Variants in GGNBP2 observed in about 807,000 individuals in gnomAD.
GGNBP2 encodes the protein gametogenetin-binding protein 2.
A neutral mutation model predicts 85.9 loss-of-function variants in GGNBP2; 10 were observed. The ratio of observed to expected loss-of-function variants is 0.12; its 90% CI spans 0.07 to 0.20. The LOEUF (loss-of-function observed/expected upper bound fraction) is 0.20. GGNBP2 is among the 10% of genes least tolerant of loss of function. GGNBP2 has a pLI of 1.00. For missense variants in GGNBP2, 595 were observed against 857.8 expected, an observed-to-expected ratio of 0.69 and a Z score of 3.83; for synonymous variants, 287 against 285.7, an observed-to-expected ratio of 1.00 and a Z score of -0.05.
chr17:36,555,776 T>C (rs1199980256), intron 3 of GGNBP2, among the ~76,000 whole-genome samples: 1 of 152,232 alleles, frequency 6.6e-6, no homozygotes, highest in Non-Finnish European at 1.5e-5. Flanking sequence ...TTACTTATAG[T>C]ACCTAATACA....
chr17:36,576,589 A>ATG (rs1375645555), intron 6 of GGNBP2: 2 of 41,404 alleles, frequency 4.8e-5, no homozygotes, highest in African/African-American at 2.2e-4. Flanking sequence ...AAAAAAATAT[A>ATG]TATATATGTG....
intron 5 of GGNBP2, among the ~76,000 whole-genome samples, chr17:36,562,199 G>A (rs945109647): frequency 6.6e-6 from 1 of 151,658 alleles, no homozygotes; most frequent in Non-Finnish European, 1.5e-5. Flanking sequence ...ACACAGTCTT[G>A]CTCTGTCACT....
intron 2 of GGNBP2, 149 bp downstream of exon 2, chr17:36,545,966 G>T (rs1264416690): frequency 3.4e-6 from 2 of 593,814 alleles, no homozygotes; most frequent in African/African-American, 1.9e-5. Context: ...CCACAAACTC[G>T]CCTTTGCAGT....
chr17:36,560,730 A>C, intron 4 of GGNBP2, 43 bp from the exon 5 acceptor site: 2 of 1,121,322 alleles, frequency 1.8e-6, no homozygotes, highest in Non-Finnish European at 2.6e-6. Flanking sequence ...AAAATTTGAA[A>C]GTAAAATGAA....
chr17:36,548,703 G>A (rs1303508220), intron 2 of GGNBP2, among the ~76,000 whole-genome samples: 1 of 149,406 alleles, frequency 6.7e-6, no homozygotes, highest in Non-Finnish European at 1.5e-5. Flanking sequence ...TAGCACTTTG[G>A]GAGGCCGAGG....
At chr17:36,583,306 C>A (rs1420879110) in intron 9 of GGNBP2, among the ~76,000 whole-genome samples, 1 of 152,092 alleles carries the variant, frequency 6.6e-6, no homozygotes. Flanking sequence ...CCCGCCTCAG[C>A]CTCCCAAAGT....
chr17:36,555,531 A>G (rs895940377), intron 3 of GGNBP2, among the ~76,000 whole-genome samples: 1 of 152,188 alleles, frequency 6.6e-6, no homozygotes, highest in Non-Finnish European at 1.5e-5. Context: ...CTGTTTCTAC[A>G]GAAAATGCAA....
intron 6 of GGNBP2, chr17:36,574,612 G>A: frequency 1.8e-6 from 1 of 560,790 alleles, no homozygotes; most frequent in South Asian, 2.2e-5. Flanking sequence ...TCTTAGAGAT[G>A]GCATCAAAGG....
At chr17:36,581,769 G>A (rs1159495043) in intron 9 of GGNBP2, 3 of 288,008 alleles carry the variant, frequency 1.0e-5, no homozygotes, top group Non-Finnish European at 1.9e-5. Context: ...TCGTCCCTTG[G>A]TATCTGTGGG....
intron 5 of GGNBP2, among the ~76,000 whole-genome samples, chr17:36,561,540 G>C (rs1232202099): frequency 1.3e-5 from 2 of 152,072 alleles, no homozygotes; most frequent in Admixed American, 1.3e-4. Context: ...CTTGTCTCTA[G>C]CTGTAATTTA....
In GGNBP2 at chr17:36,545,723, C is replaced by T; in HGVS notation, c.-2C>T. 6.4e-7 allele frequency: 1 copy of T among 1,565,610 alleles called. No individual in the cohort carries two copies. Among genetic ancestry groups the T allele is most frequent in the South Asian group, 1.2e-5 (1 of 85,228 alleles). On this transcript the variant is annotated 5_prime_UTR_variant, in exon 2 of 14. It adds an upstream start codon to the 5' untranslated region. Coordinates refer to ENST00000613102, the MANE Select transcript of GGNBP2 (RefSeq NM_024835.5). Reference sequence around the variant, plus strand: ...ACGGTGGCAACGGCAGCGTCGGGGACGATGGCGCGACTCGTGGCAGTGTGC... The same window carrying T: ...ACGGTGGCAACGGCAGCGTCGGGGATGATGGCGCGACTCGTGGCAGTGTGC...
Position 36,581,541 on chromosome 17 carries a change from A to G in GGNBP2, c.1215+3A>G, listed in dbSNP as rs1412370587. 1 of 1,585,804 alleles carries G rather than the reference A, an allele frequency of 6.3e-7. No homozygotes were observed. Among genetic ancestry groups the G allele is most frequent in the Non-Finnish European group, 8.6e-7 (1 of 1,158,212 alleles). On this transcript the variant is annotated splice_donor_region_variant and intron_variant, in intron 9 of 13. Transcript: ENST00000613102. ...AAAAGGAAGTAAGCCAAGAGAAGGT[A>G]ATATTTCTTAATATCAACTCTTAAG...
Position 36,589,642 on chromosome 17 carries a change from A to C in GGNBP2, c.*231A>C. On this transcript the variant is annotated 3_prime_UTR_variant, in exon 14 of 14. Transcript: ENST00000613102. ...CATATGATTTAAGCCATCTCTTTTC[A>C]TTAAATGTTTCTCTTCCTGTGAGAC... 1.9e-6 allele frequency: 1 copy of C among 534,680 alleles called. No individual in the cohort carries two copies. The highest frequency in any genetic ancestry group is 2.7e-5 in the South Asian group (1 of 37,352). 33.1% of individuals were successfully genotyped at this position (534,680 alleles called of 1,614,324 possible).
At position 36,545,826 on chromosome 17, in the gene GGNBP2, G is replaced by A. The variant is rs1224409414; in HGVS notation, c.93+9G>A. 1 of 1,536,300 alleles carries A rather than the reference G, an allele frequency of 6.5e-7. No individual in the cohort carries two copies. The highest frequency in any genetic ancestry group is 2.0e-5 in the Admixed American group (1 of 50,538). ...TAGACGACACCCTGACGGTGAGCGG[G>A]CCGGGCCGGGCTGGGCCCGCCGCTC... On this transcript the variant is annotated intron_variant, in intron 2 of 13. Coordinates refer to ENST00000613102, the MANE Select transcript of GGNBP2 (RefSeq NM_024835.5).
Position 36,575,235 on chromosome 17 carries a change from G to A in GGNBP2, c.642-2748G>A, listed in dbSNP as rs184952415. The A allele has an allele frequency of 1.0e-3, 650 of 634,184 alleles. 3 individuals are homozygous for A. Among genetic ancestry groups the A allele is most frequent in the African/African-American group, 0.01 (560 of 54,682 alleles). The allele number at this position is 634,184 out of a possible 1,614,324, so 39.3% of individuals were successfully genotyped here. On this transcript the variant is annotated intron_variant, in intron 6 of 13. Coordinates refer to ENST00000613102, the MANE Select transcript of GGNBP2 (RefSeq NM_024835.5). ...CGGCCTCAGCCCCAGCCCCGGCCCC[G>A]GATGCCACTGCCGAAACCTCCACGG...
rs1310038006 is a variant in GGNBP2, at chr17:36,550,243, G to A, written c.93+4426G>A. Among the ~76,000 whole-genome samples, 3 of 152,106 alleles carry A rather than the reference G, an allele frequency of 2.0e-5. No homozygotes were observed. The East Asian group carries it at 5.8e-4, about 29-fold the overall frequency. ...GTGAGCCAATGCGCCCGGCCAGATT[G>A]TTACATTTCTGCATTGCAGTTTACT... On this transcript the variant is annotated intron_variant, in intron 2 of 13. Coordinates refer to ENST00000613102, the MANE Select transcript of GGNBP2 (RefSeq NM_024835.5).
At chr17:36,575,202 C>G (rs1214497483) in intron 6 of GGNBP2, 8 of 642,786 alleles carry the variant, frequency 1.2e-5, no homozygotes, top group Non-Finnish European at 2.0e-5. Context: ...GCTCTGCGGC[C>G]TCAGCCGCGG....
chr17:36,577,918 T>A (rs958475296), intron 6 of GGNBP2, 65 bp from the exon 7 acceptor site: 2 of 1,281,368 alleles, frequency 1.6e-6, no homozygotes, highest in Admixed American at 3.4e-5. Context: ...TCTAGTACAC[T>A]GTTATATGCC....
At chr17:36,575,648 A>ATATATATATATAT (rs374366757) in intron 6 of GGNBP2, among the ~76,000 whole-genome samples, 16 of 54,906 alleles carry the variant, frequency 2.9e-4, no homozygotes, top group African/African-American at 9.8e-4. Flanking sequence ...ATATATATAT[A>ATATATATATATAT]TTTTTTTTTT....
Sources: allele counts gnomAD v4.1 joint callset (sites outside exome capture counted in the v4.1 genomes callset), GRCh38; gene constraint gnomAD v4.1.1; transcripts MANE v1.5; gene names NCBI Gene and HGNC (gene_info 2026-07-23, HGNC 2026-07-21).